ARID4B: variants seen among roughly 807,000 people sequenced by gnomAD.
ARID4B encodes the protein AT-rich interactive domain-containing protein 4B.
Under a neutral mutation model 147.5 loss-of-function variants are expected in ARID4B, and 26 were observed. The ratio of observed to expected loss-of-function variants is 0.18; its 90% CI spans 0.13 to 0.24. The LOEUF is 0.24. ARID4B is among the 10% of genes least tolerant of loss of function. ARID4B has a pLI of 1.00. For synonymous variants in ARID4B, 512 were observed against 507.9 expected (o/e 1.01, Z -0.11); for missense variants, 1,179 against 1,511.5 (o/e 0.78, Z 3.65).
intron 2 of ARID4B, among the ~76,000 whole-genome samples, chr1:235,263,759 G>A (rs907011028): frequency 2.6e-5 from 4 of 151,910 alleles, no homozygotes; most frequent in South Asian, 2.1e-4. Flanking sequence ...AGGCTGAGGC[G>A]GGCGGATCAC....
chr1:235,318,814 G>A (rs777298497), intron 2 of ARID4B, among the ~76,000 whole-genome samples: 2 of 151,988 alleles, frequency 1.3e-5, no homozygotes, highest in Non-Finnish European at 2.9e-5. Context: ...CCAGGAGGTC[G>A]ATGCTGCAGT....
At chr1:235,298,011 A>C (rs1384502031) in intron 2 of ARID4B, among the ~76,000 whole-genome samples, 1 of 152,196 alleles carries the variant, frequency 6.6e-6, no homozygotes, top group African/African-American at 2.4e-5. Context: ...GCCATTAAGG[A>C]ATTAATGTTA....
chr1:235,177,609 G>A (rs1019858439), intron 21 of ARID4B, 191 bp downstream of exon 21: 11 of 487,372 alleles, frequency 2.3e-5, no homozygotes, highest in Non-Finnish European at 3.6e-5. Flanking sequence ...ATTTGTCCTA[G>A]TGCATGTTTT....
chr1:235,304,398 AT>A (rs68036536), intron 2 of ARID4B, among the ~76,000 whole-genome samples: 14,309 of 152,164 alleles, frequency 0.094, 1,557 homozygotes, highest in East Asian at 0.58. Flanking sequence ...AAAAAATACC[AT>A]CTGAGCACAT....
chr1:235,297,071 T>G (rs1672793329), intron 2 of ARID4B, among the ~76,000 whole-genome samples: 1 of 152,050 alleles, frequency 6.6e-6, no homozygotes, highest in Non-Finnish European at 1.5e-5. Flanking sequence ...AATAGCTGAT[T>G]CCAGATGCGG....
At position 235,240,951 on chromosome 1, in the gene ARID4B, C is replaced by T. The variant is rs142204932; in HGVS notation, c.447-500G>A. Among the ~76,000 whole-genome samples, 398 of 152,284 alleles carry T rather than the reference C, an allele frequency of 2.6e-3. 2 individuals are homozygous for T. Among genetic ancestry groups the T allele is most frequent in the African/African-American group, 9.2e-3 (384 of 41,556 alleles). On this transcript the variant is annotated intron_variant, in intron 7 of 23. Transcript: ENST00000264183. ...ACTGCTATCCATAACAACAAATACA[C>T]ACCAATTAGGTATTCATAAAATGTC...
At chr1:235,298,243 G>A (rs1164753404) in intron 2 of ARID4B, among the ~76,000 whole-genome samples, 1 of 152,094 alleles carries the variant, frequency 6.6e-6, no homozygotes, top group Non-Finnish European at 1.5e-5. Flanking sequence ...CCATGAATAT[G>A]TAAAACATCA....
chr1:235,173,787 T>A (rs1310844353), intron 22 of ARID4B, among the ~76,000 whole-genome samples: 23 of 60,522 alleles, frequency 3.8e-4, no homozygotes, highest in African/African-American at 1.7e-3. Flanking sequence ...TATATATATA[T>A]ATATATATAT....
At chr1:235,259,839 A>G (rs1040737873) in intron 3 of ARID4B, among the ~76,000 whole-genome samples, 1 of 152,224 alleles carries the variant, frequency 6.6e-6, no homozygotes, top group Non-Finnish European at 1.5e-5. Context: ...TCTACAGTCT[A>G]TGTAATTGGT....
intron 11 of ARID4B, 31 bp downstream of exon 11, chr1:235,229,194 TTTATAA>T: frequency 6.3e-7 from 1 of 1,592,942 alleles, no homozygotes; most frequent in Non-Finnish European, 8.5e-7. Context: ...CCAACTGTTA[TTTATAA>T]TTTTAAAAGG....
intron 2 of ARID4B, among the ~76,000 whole-genome samples, chr1:235,292,095 T>C (rs1461233710): frequency 6.6e-6 from 1 of 152,234 alleles, no homozygotes; most frequent in Non-Finnish European, 1.5e-5. Flanking sequence ...TATTTGGACT[T>C]TAATAATACA....
intron 2 of ARID4B, among the ~76,000 whole-genome samples, chr1:235,287,458 T>G (rs1335446602): frequency 6.6e-6 from 1 of 152,186 alleles, no homozygotes; most frequent in Non-Finnish European, 1.5e-5. Flanking sequence ...AGTCTCATTG[T>G]GTGTTCTGTC....
At chr1:235,209,114 T>A (rs2102997112) in intron 17 of ARID4B, among the ~76,000 whole-genome samples, 2 of 152,358 alleles carry the variant, frequency 1.3e-5, no homozygotes, top group Middle Eastern at 3.4e-3. Context: ...GCCCAAATGT[T>A]AACCTTTGTA....
intron 2 of ARID4B, among the ~76,000 whole-genome samples, chr1:235,309,468 A>G (rs12751423): frequency 6.2e-4 from 62 of 100,542 alleles, no homozygotes; most frequent in Middle Eastern, 8.5e-3. Context: ...TCCGGGAGGT[A>G]AGGGGCGCCT....
chr1:235,182,321 T>C lies in ARID4B; in HGVS notation c.2598A>G (p.Glu866=), dbSNP rs773328186. 3.1e-6 allele frequency: 5 copies of C among 1,614,026 alleles called. No individual in the cohort carries two copies. The Admixed American group carries it at 8.3e-5, about 27-fold the overall frequency. ...NSSNSSSDED[E]EETKAKMTPT... Reference sequence around the variant, plus strand: ...GTGTCATCTTTGCTTTTGTTTCTTCTTCATCTTCATCTGAAGAGCTGTTGC... The same window carrying C: ...GTGTCATCTTTGCTTTTGTTTCTTCCTCATCTTCATCTGAAGAGCTGTTGC... The change falls in exon 20 of 24, where the codon GAA becomes GAG. Residue 866 remains glutamate (E), a synonymous_variant. Transcript: ENST00000264183.
chr1:235,192,277 GAAGAA>G (rs912277394), intron 19 of ARID4B, among the ~76,000 whole-genome samples: 2 of 151,886 alleles, frequency 1.3e-5, no homozygotes, highest in African/African-American at 4.8e-5. Flanking sequence ...ATTCAATTCT[GAAGAA>G]AAGTAAAGCA....
At chr1:235,275,027 G>A (rs924838627) in intron 2 of ARID4B, among the ~76,000 whole-genome samples, 24 of 151,752 alleles carry the variant, frequency 1.6e-4, no homozygotes, top group African/African-American at 4.1e-4. Context: ...GTGTGTGCAC[G>A]CGCGCAGACC....
chr1:235,188,599 T>G (rs1664854498), intron 19 of ARID4B, among the ~76,000 whole-genome samples: 1 of 152,096 alleles, frequency 6.6e-6, no homozygotes, highest in African/African-American at 2.4e-5. Context: ...ATGCTGAAAT[T>G]AGGGGGATTC....
At chr1:235,231,243 G>A in intron 9 of ARID4B, 54 bp from the exon 10 acceptor site, 1 of 900,396 alleles carries the variant, frequency 1.1e-6, no homozygotes, top group Non-Finnish European at 1.7e-6. Flanking sequence ...ATATGACTGA[G>A]ATTAATTAAG....
Sources: gnomAD v4.1 joint callset for allele counts (sites outside exome capture counted in the v4.1 genomes callset) on GRCh38, gnomAD v4.1.1 for gene constraint, MANE v1.5 for transcripts, NCBI Gene and HGNC (gene_info 2026-07-23, HGNC 2026-07-21) for gene names.